The following EPB41L3 variants were observed in gnomAD, a reference collection of about 807,000 sequenced individuals.
EPB41L3 encodes erythrocyte membrane protein band 4.1 like 3.
A neutral mutation model predicts 127.1 loss-of-function variants in EPB41L3; 57 were observed. The ratio of observed to expected loss-of-function variants is 0.45; its 90% CI spans 0.36 to 0.56. The LOEUF (loss-of-function observed/expected upper bound fraction) is 0.56. EPB41L3 is among the 20% of genes least tolerant of loss of function. EPB41L3 has a pLI of 0.00. For missense variants in EPB41L3, 1,273 were observed against 1,372.2 expected (o/e 0.93, Z 1.14); for synonymous variants, 572 against 549.5 (o/e 1.04, Z -0.57).
chr18:5,491,279 G>T (rs2090564461), intron 1 of EPB41L3, among the ~76,000 whole-genome samples: 1 of 152,160 alleles, frequency 6.6e-6, no homozygotes, highest in South Asian at 2.1e-4. Context: ...ACGGGTCTCT[G>T]GATGACCTCA....
At chr18:5,448,698 G>T (rs1427091792) in intron 3 of EPB41L3, among the ~76,000 whole-genome samples, 3 of 152,134 alleles carry the variant, frequency 2.0e-5, no homozygotes, top group Admixed American at 6.5e-5. Context: ...TTTATGAGTG[G>T]TTATTTCTGA....
At position 5,423,495 on chromosome 18, in the gene EPB41L3, A is replaced by G; in HGVS notation, c.1222T>C (p.Tyr408His). The change falls in exon 11 of 23, where the codon TAT (tyrosine) becomes CAT (histidine). Residue 408 changes from tyrosine (Y) to histidine (H), a missense_variant. This residue lies in a region of EPB41L3 where 326 missense variants were observed against 440.2 expected (regional missense o/e 0.74). Transcript: ENST00000341928. ...KFLTLGSKFR[Y>H]SGRTQAQTRR... ...GTTTGCGCTTGTGTCCTGCCACTAT[A>G]ACGAAACTTGGAACCCAAGGTTAGG... 1.9e-6 allele frequency: 3 copies of G among 1,613,676 alleles called. No homozygotes were observed. The highest frequency in any genetic ancestry group is 2.5e-6 in the Non-Finnish European group (3 of 1,179,698).
At chr18:5,594,146 C>A (rs1370223999) in intron 3 of EPB41L3, among the ~76,000 whole-genome samples, 1 of 152,082 alleles carries the variant, frequency 6.6e-6, no homozygotes, top group Non-Finnish European at 1.5e-5. Flanking sequence ...GAAATCTTCA[C>A]AATTTATGTT....
At chr18:5,517,415 A>G (rs2092792551) in intron 1 of EPB41L3, among the ~76,000 whole-genome samples, 1 of 151,962 alleles carries the variant, frequency 6.6e-6, no homozygotes, top group African/African-American at 2.4e-5. Flanking sequence ...TCCCCTTAAA[A>G]AATAAATAAA....
Position 5,415,884 on chromosome 18 carries a change from CA to C in EPB41L3, c.2000del (p.Leu667ArgfsTer8), listed in dbSNP as rs770409841. Reference protein sequence around the residue: ...SFPLALCLCYLEPKAASLSAS... With the variant: ...SFPLALCLCYXEPKAASLSAS... Reference sequence around the variant, plus strand: ...CGCTCAAGGAGGCCGCCTTGGGCTCCAGGTAGCAGAGGCACAGAGCCAGAGG... The same window carrying C: ...CGCTCAAGGAGGCCGCCTTGGGCTCCGGTAGCAGAGGCACAGAGCCAGAGG... On this transcript the variant is annotated frameshift_variant, in exon 13 of 23. Coordinates refer to ENST00000341928, the MANE Select transcript of EPB41L3 (RefSeq NM_012307.5). LOFTEE classifies it high-confidence loss of function. 1 of 1,613,798 alleles carries C rather than the reference CA, an allele frequency of 6.2e-7. No individual in the cohort carries two copies. The highest frequency in any genetic ancestry group is 1.3e-5 in the African/African-American group (1 of 75,008).
chr18:5,520,958 G>T (rs1273001188), intron 1 of EPB41L3, among the ~76,000 whole-genome samples: 1 of 152,194 alleles, frequency 6.6e-6, no homozygotes. Context: ...AACGCAGAAA[G>T]AGATGTGCTC....
intron 3 of EPB41L3, among the ~76,000 whole-genome samples, chr18:5,470,669 A>T (rs1200109063): frequency 1.3e-5 from 2 of 152,244 alleles, no homozygotes; most frequent in African/African-American, 4.8e-5. Context: ...GACAATGAAA[A>T]TAACCTTGTC....
At chr18:5,573,296 T>A (rs1489680517) in intron 3 of EPB41L3, among the ~76,000 whole-genome samples, 2 of 152,186 alleles carry the variant, frequency 1.3e-5, no homozygotes, top group Admixed American at 1.3e-4. Flanking sequence ...TGTTACTATA[T>A]TTTCTACCCA....
chr18:5,409,256 G>T (rs557518669), intron 14 of EPB41L3, among the ~76,000 whole-genome samples: 8 of 152,020 alleles, frequency 5.3e-5, no homozygotes, highest in Non-Finnish European at 1.2e-4. Flanking sequence ...GTACTCCCTT[G>T]CATGCTTTAA....
At position 5,478,303 on chromosome 18, in the gene EPB41L3, G is replaced by A. The variant is rs772255360; in HGVS notation, c.319C>T (p.Pro107Ser). The A allele has an allele frequency of 1.2e-6, 2 of 1,614,010 alleles. No individual in the cohort carries two copies. The highest frequency in any genetic ancestry group is 2.2e-5 in the South Asian group (2 of 91,064). ...ATCACTTTGCACTGCATGCTTTTAG[G>A]CTTTTTGACAATCTTTAATGGAGAC... The part of the protein sequence containing the change: ...SRSPLKIVKK[P>S]KSMQCKVILL... Residue 107 changes from proline to serine, a missense_variant, in exon 3 of 23, where the codon CCT (proline) becomes TCT (serine). Physicochemically the swap from Pro to Ser is moderately conservative, Grantham distance 74. Transcript: ENST00000341928.
chr18:5,449,299 T>TA (rs2081962689), intron 3 of EPB41L3, among the ~76,000 whole-genome samples: 1 of 152,092 alleles, frequency 6.6e-6, no homozygotes, highest in African/African-American at 2.4e-5. Flanking sequence ...AAACGTATGT[T>TA]ATAATGGCTA....
intron 3 of EPB41L3, among the ~76,000 whole-genome samples, chr18:5,582,649 G>A (rs545772845): frequency 3.3e-4 from 51 of 152,264 alleles, no homozygotes; most frequent in Non-Finnish European, 5.9e-4. Flanking sequence ...AAGGACTCAC[G>A]CAATGAGCTA....
At chr18:5,546,720 AAAAG>A (rs1467728635), upstream of EPB41L3, among the ~76,000 whole-genome samples, 2 of 152,172 alleles carry the variant, frequency 1.3e-5, no homozygotes, top group Non-Finnish European at 2.9e-5. Context: ...GACAGGGAGA[AAAAG>A]AAACGTCAAA....
chr18:5,465,672 T>TA (rs2084831550), intron 3 of EPB41L3, among the ~76,000 whole-genome samples: 1 of 152,158 alleles, frequency 6.6e-6, no homozygotes, highest in Non-Finnish European at 1.5e-5. Flanking sequence ...TCACTCTCTC[T>TA]ATCACTCACA....
intron 4 of EPB41L3, 114 bp downstream of exon 4, chr18:5,445,026 G>A: frequency 1.4e-6 from 1 of 723,716 alleles, no homozygotes; most frequent in Non-Finnish European, 2.4e-6. Flanking sequence ...AGTAGAAAGT[G>A]TGGGAGAATG....
At chr18:5,514,438 C>T (rs1598505634) in intron 1 of EPB41L3, among the ~76,000 whole-genome samples, 1 of 152,262 alleles carries the variant, frequency 6.6e-6, no homozygotes, top group Non-Finnish European at 1.5e-5. Flanking sequence ...GACTGGATTG[C>T]TCTTGGAATA....
upstream of EPB41L3, chr18:5,544,042 C>A: frequency 1.0e-6 from 1 of 985,490 alleles, no homozygotes; most frequent in Non-Finnish European, 1.2e-6. Flanking sequence ...CGCCGCTGTT[C>A]CCCCCGCCCC....
At chr18:5,557,294 A>G (rs2094050997) in intron 3 of EPB41L3, among the ~76,000 whole-genome samples, 1 of 152,250 alleles carries the variant, frequency 6.6e-6, no homozygotes, top group Admixed American at 6.5e-5. Context: ...AGATATCGAC[A>G]TGTGGGCTTT....
At chr18:5,459,643 T>C (rs1393978215) in intron 3 of EPB41L3, among the ~76,000 whole-genome samples, 1 of 152,204 alleles carries the variant, frequency 6.6e-6, no homozygotes, top group Non-Finnish European at 1.5e-5. Flanking sequence ...ATGAGAATGT[T>C]TTAAGCTGCA....
Sources: allele counts gnomAD v4.1 joint callset (sites outside exome capture counted in the v4.1 genomes callset), GRCh38; gene constraint gnomAD v4.1.1; regional missense constraint gnomAD v4.1.1; transcripts MANE v1.5; gene names NCBI Gene and HGNC (gene_info 2026-07-23, HGNC 2026-07-21).